ABCA9: variants seen among roughly 807,000 people sequenced by gnomAD.
ABCA9 encodes ATP binding cassette subfamily A member 9.
ABCA9 carries 183 observed loss-of-function variants against 205.3 expected under a neutral mutation model. The observed-to-expected ratio is 0.89, with a 90% CI of 0.79 to 1.01. The LOEUF (loss-of-function observed/expected upper bound fraction) is 1.01, where lower values mean the gene tolerates loss of function less well. Among genes scored for constraint, ABCA9 ranks in the 50% least tolerant of loss-of-function variants. The pLI, the probability that ABCA9 is intolerant of heterozygous loss-of-function variation, is 0.00. For synonymous variants in ABCA9, 651 were observed against 683.3 expected, an observed-to-expected ratio of 0.95 and a Z score of 0.74; for missense variants, 1,805 against 1,912.4, an observed-to-expected ratio of 0.94 and a Z score of 1.05.
intron 12 of ABCA9, 81 bp from the exon 13 acceptor site, chr17:69,027,896 A>C (rs1385493810): frequency 2.8e-6 from 3 of 1,087,346 alleles, no homozygotes; most frequent in Non-Finnish European, 4.0e-6. Flanking sequence ...AAAACACTGT[A>C]TGTCAATTAT....
Position 68,989,090 on chromosome 17 carries a change from A to C in ABCA9, c.3984T>G (p.Asn1328Lys). The change falls in exon 31 of 39, where the codon AAT becomes AAG. Residue 1328 changes from asparagine (N) to lysine (K), a missense_variant. By Grantham distance (94) the Asn-to-Lys change is moderately conservative. Transcript: ENST00000340001. ...TAATAGTTGTACTTTTACCAGCTCC[A>C]TTGTGTCCTAACAGTCCTATAACTT... The part of the protein sequence containing the change: ...KGEVIGLLGH[N>K]GAGKSTTIKM... 2 of 1,613,018 alleles carry C rather than the reference A, an allele frequency of 1.2e-6. No individual in the cohort carries two copies. The highest frequency in any genetic ancestry group is 2.2e-5 in the East Asian group (1 of 44,840).
chr17:68,986,953 C>T (rs1310274011), intron 31 of ABCA9, among the ~76,000 whole-genome samples: 1 of 152,156 alleles, frequency 6.6e-6, no homozygotes, highest in Non-Finnish European at 1.5e-5. Flanking sequence ...ACTTTTAGCA[C>T]TGTATCTAGC....
At chr17:69,070,258 CA>C in the ABCA9 span, among the ~76,000 whole-genome samples, 1 of 151,742 alleles carries the variant, frequency 6.6e-6, no homozygotes, top group Non-Finnish European at 1.5e-5. Flanking sequence ...TATAAATGAT[CA>C]AAAAAATACA....
chr17:69,032,144 G>A lies in ABCA9; in HGVS notation c.1409C>T (p.Pro470Leu), dbSNP rs578098047. ...TTTCCCACAGAATTCTGGAGACACT[G>A]GTTCAAAACAGTCATTAGGTGTAGG... ...SDPTPNDCFE[P>L]VSPEFCGKEA... The change falls in exon 10 of 39, where the codon CCA becomes CTA. Residue 470 changes from proline to leucine, a missense_variant. Pro to Leu is a moderately conservative substitution (Grantham distance 98). Coordinates refer to ENST00000340001, the MANE Select transcript of ABCA9 (RefSeq NM_080283.4). 2 of 1,613,492 alleles carry A rather than the reference G, an allele frequency of 1.2e-6. No homozygotes were observed. The highest frequency in any genetic ancestry group is 2.2e-5 in the East Asian group (1 of 44,860).
In ABCA9 at chr17:69,011,972, T is replaced by C. The variant is rs374358444; in HGVS notation, c.3147+4A>G. 16 of 1,601,818 alleles carry C rather than the reference T, an allele frequency of 1.0e-5. No homozygotes were observed. In the African/African-American group the frequency reaches 1.9e-4, roughly 19 times the overall value. On this transcript the variant is annotated splice_donor_region_variant and intron_variant, in intron 23 of 38. Coordinates refer to ENST00000340001, the MANE Select transcript of ABCA9 (RefSeq NM_080283.4). ...AAACATGTGAAGACTTTAACTCTTCTTACTTTGTAGTCACCAATGCTGCTC... is the reference window on the plus strand; with the variant it reads ...AAACATGTGAAGACTTTAACTCTTCCTACTTTGTAGTCACCAATGCTGCTC...
chr17:69,076,662 A>G, the ABCA9 span, among the ~76,000 whole-genome samples: 1 of 151,828 alleles, frequency 6.6e-6, no homozygotes, highest in East Asian at 1.9e-4. Context: ...TGGTTGGTAG[A>G]TTTTTCATTA....
intron 25 of ABCA9, among the ~76,000 whole-genome samples, chr17:69,001,250 G>A (rs1567929742): frequency 2.6e-5 from 4 of 152,110 alleles, no homozygotes; most frequent in Admixed American, 2.0e-4. Context: ...GATATTGGCT[G>A]TGGGTTTGTC....
rs552343216 is a variant in ABCA9, at chr17:68,986,184, G to A, written c.4188C>T (p.Asp1396=). 35 of 1,611,368 alleles carry A rather than the reference G, an allele frequency of 2.2e-5. No individual in the cohort carries two copies. In the Admixed American group the frequency reaches 3.2e-4, roughly 15 times the overall value. The change falls in exon 32 of 39, where the codon GAC becomes GAT. Residue 1396 remains aspartate, a synonymous_variant. Transcript: ENST00000340001. ...GGTACCGTGTGATGGCGATCATTGCGTCCCCTTTCCTGAGACCTTTCACGG... is the reference window on the plus strand; with the variant it reads ...GGTACCGTGTGATGGCGATCATTGCATCCCCTTTCCTGAGACCTTTCACGG... ...YAAVKGLRKG[D]AMIAITRLVD...
intron 6 of ABCA9, among the ~76,000 whole-genome samples, chr17:69,036,551 A>C (rs947732786): frequency 1.3e-5 from 2 of 152,088 alleles, no homozygotes; most frequent in African/African-American, 4.8e-5. Context: ...AGAAAGAAAA[A>C]ACCAATAGCA....
Position 69,033,892 on chromosome 17 carries a change from G to A in ABCA9, c.1129-19C>T. On this transcript the variant is annotated intron_variant, in intron 8 of 38. Transcript: ENST00000340001. The stretch of plus-strand genomic sequence containing the variant: ...GTATAAGCTGAAAAAGAAAGATACA[G>A]TGAATTTTAAAAGAATTAATATGGC... The A allele has an allele frequency of 6.4e-7, 1 of 1,551,990 alleles. No homozygotes were observed. The highest frequency in any genetic ancestry group is 8.8e-7 in the Non-Finnish European group (1 of 1,139,178).
At chr17:68,985,016 A>G (rs2069183135) in intron 33 of ABCA9, 37 bp from the exon 34 acceptor site, 1 of 1,614,202 alleles carries the variant, frequency 6.2e-7, no homozygotes, top group Non-Finnish European at 8.5e-7. Context: ...GTTCCCATCT[A>G]CGGCACTTGC....
intron 32 of ABCA9, 85 bp downstream of exon 32, chr17:68,986,079 A>G: frequency 7.2e-7 from 1 of 1,393,388 alleles, no homozygotes; most frequent in South Asian, 1.7e-5. Context: ...GTCATCAATT[A>G]CAACCTCCCT....
chr17:69,002,808 G>T (rs2069935923), intron 25 of ABCA9, among the ~76,000 whole-genome samples: 1 of 141,530 alleles, frequency 7.1e-6, no homozygotes, highest in South Asian at 2.4e-4. Context: ...CTCCTGTATT[G>T]GGTGCATATA....
intron 37 of ABCA9, among the ~76,000 whole-genome samples, chr17:68,981,835 C>CAAAAAA (rs398041827): frequency 1.2e-4 from 6 of 51,648 alleles, no homozygotes; most frequent in African/African-American, 2.7e-4. Flanking sequence ...AACTCTTTCT[C>CAAAAAA]AAAAAAAAAA....
In ABCA9 at chr17:69,021,810, C is replaced by T; in HGVS notation, c.2333G>A (p.Gly778Asp). Reference protein sequence around the residue: ...RCSNQGIEDYGVSITTLNEVF... With the variant: ...RCSNQGIEDYDVSITTLNEVF... ...CTCATTCAAAGTTGTTATGGAAACACCATAATCCTCAATGCCTTGGTTAGA... is the reference window on the plus strand; with the variant it reads ...CTCATTCAAAGTTGTTATGGAAACATCATAATCCTCAATGCCTTGGTTAGA... The change falls in exon 18 of 39, where the codon GGT becomes GAT. Residue 778 changes from glycine (G) to aspartate (D), a missense_variant. Physicochemically the swap from Gly to Asp is moderately conservative, Grantham distance 94. Transcript: ENST00000340001. The T allele has an allele frequency of 6.3e-7, 1 of 1,596,932 alleles. No individual in the cohort carries two copies. Among genetic ancestry groups the T allele is most frequent in the Non-Finnish European group, 8.5e-7 (1 of 1,171,046 alleles).
intron 30 of ABCA9, 85 bp from the exon 31 acceptor site, chr17:68,989,203 T>A: frequency 1.3e-6 from 1 of 798,486 alleles, no homozygotes; most frequent in Non-Finnish European, 2.2e-6. Context: ...GTGTGTCAAG[T>A]GCTATGTGAA....
At chr17:69,020,305 A>T (rs746174845) in intron 19 of ABCA9, 83 bp downstream of exon 19, 11 of 1,315,334 alleles carry the variant, frequency 8.4e-6, no homozygotes, top group East Asian at 4.7e-5. Flanking sequence ...AATTTATTTT[A>T]TCTGAGTTTC....
intron 28 of ABCA9, among the ~76,000 whole-genome samples, chr17:68,991,397 T>C (rs142797266): frequency 6.4e-4 from 98 of 152,294 alleles, no homozygotes; most frequent in African/African-American, 2.2e-3. Flanking sequence ...CTAATCACCA[T>C]ACCAATGCCT....
intron 27 of ABCA9, 195 bp from the exon 28 acceptor site, chr17:68,992,461 A>G (rs1490217373): frequency 1.2e-5 from 5 of 413,750 alleles, no homozygotes; most frequent in Non-Finnish European, 1.7e-5. Flanking sequence ...AGAGCCTAAC[A>G]GAAATATAAT....
Sources: allele counts gnomAD v4.1 joint callset (sites outside exome capture counted in the v4.1 genomes callset), GRCh38; gene constraint gnomAD v4.1.1; transcripts MANE v1.5; gene names NCBI Gene and HGNC (gene_info 2026-07-23, HGNC 2026-07-21).